The following KIF5C variants were observed in gnomAD, a reference collection of about 807,000 sequenced individuals.
KIF5C encodes the protein kinesin heavy chain isoform 5C.
A neutral mutation model predicts 125.2 loss-of-function variants in KIF5C; 18 were observed. The ratio of observed to expected loss-of-function variants is 0.14; its 90% CI spans 0.10 to 0.21. KIF5C has a LOEUF of 0.21. KIF5C is among the 10% of genes least tolerant of loss of function. The pLI, the probability that KIF5C is intolerant of heterozygous loss-of-function variation, is 1.00. For synonymous variants in KIF5C, 405 were observed against 434.0 expected (o/e 0.93, Z 0.83); for missense variants, 780 against 1,183.8 (o/e 0.66, Z 5.01).
intron 5 of KIF5C, 116 bp from the exon 6 acceptor site, chr2:148,941,819 C>G: frequency 6.8e-7 from 1 of 1,462,522 alleles, no homozygotes; most frequent in Admixed American, 2.4e-5. Context: ...CTTAAACTTG[C>G]ATATTGCAAA....
chr2:148,986,040 G>C (rs926066148), intron 15 of KIF5C, among the ~76,000 whole-genome samples: 1 of 152,100 alleles, frequency 6.6e-6, no homozygotes, highest in Non-Finnish European at 1.5e-5. Flanking sequence ...AATAAAATTC[G>C]ATGTGAGGTG....
intron 3 of KIF5C, among the ~76,000 whole-genome samples, chr2:148,933,789 C>A (rs1682227830): frequency 1.3e-5 from 2 of 150,940 alleles, no homozygotes; most frequent in Admixed American, 1.3e-4. Flanking sequence ...ATACCACATA[C>A]CCCCCATATA....
chr2:148,976,239 A>G (rs1046151512), intron 12 of KIF5C, among the ~76,000 whole-genome samples: 7 of 112,344 alleles, frequency 6.2e-5, no homozygotes, highest in Admixed American at 5.6e-4. Flanking sequence ...TGTGCATATT[A>G]TTTTGTTTTA....
rs1245723552 is a variant in KIF5C, at chr2:148,876,239, C to G, written c.126+496C>G. Among the ~76,000 whole-genome samples the G allele has an allele frequency of 6.6e-6, 1 of 152,074 alleles. No homozygotes were observed. Among genetic ancestry groups the G allele is most frequent in the Non-Finnish European group, 1.5e-5 (1 of 67,924 alleles). ...AAAGGGGTACAGGAAAATTTCTAGT[C>G]GCGTCTCGGAGCTCCCGCGGCAGTG... On this transcript the variant is annotated intron_variant, in intron 1 of 25. Coordinates refer to ENST00000435030, the MANE Select transcript of KIF5C (RefSeq NM_004522.3). This position sits in a 1 kb window ranked among gnomAD's most constrained non-coding sequence, Gnocchi z 4.7.
intron 10 of KIF5C, among the ~76,000 whole-genome samples, chr2:148,960,529 G>A (rs1233206963): frequency 6.6e-6 from 1 of 152,210 alleles, no homozygotes; most frequent in African/African-American, 2.4e-5. Context: ...TGAAAAATTA[G>A]ACTCAAAGCA....
At position 149,025,622 on chromosome 2, in the gene KIF5C, G is replaced by A. The variant is rs1187987926; in HGVS notation, c.*2552G>A. ...TGTATTGTGTCTTTTTCTCCTCTAT[G>A]AATAATTTTATATTTCATGCTACTT... On this transcript the variant is annotated 3_prime_UTR_variant, in exon 26 of 26. Transcript: ENST00000435030. 1 of 152,140 alleles carries A rather than the reference G, an allele frequency of 6.6e-6. No homozygotes were observed. The highest frequency in any genetic ancestry group is 1.5e-5 in the Non-Finnish European group (1 of 68,014). 9.4% of individuals were successfully genotyped at this position (152,140 alleles called of 1,614,324 possible).
chr2:148,881,324 CAT>C (rs1681343834), intron 1 of KIF5C, among the ~76,000 whole-genome samples: 1 of 152,132 alleles, frequency 6.6e-6, no homozygotes, highest in African/African-American at 2.4e-5. Flanking sequence ...AGGCAAAACT[CAT>C]ATTTCATTTA....
intron 4 of KIF5C, among the ~76,000 whole-genome samples, chr2:148,939,829 C>T (rs913764062): frequency 2.1e-4 from 32 of 152,300 alleles, no homozygotes; most frequent in Admixed American, 2.0e-4. Context: ...TATTTCTGAA[C>T]GTCCTATTTC....
At chr2:148,960,741 A>G (rs1682905907) in intron 10 of KIF5C, among the ~76,000 whole-genome samples, 1 of 152,254 alleles carries the variant, frequency 6.6e-6, no homozygotes, top group East Asian at 1.9e-4. Flanking sequence ...AGAAATCAGG[A>G]TGTCATTTGC....
chr2:148,985,057 C>T (rs1025424515), intron 15 of KIF5C, among the ~76,000 whole-genome samples: 1 of 152,112 alleles, frequency 6.6e-6, no homozygotes. Context: ...CCTGCCTCTG[C>T]CTCCCAAAGT....
chr2:148,980,175 C>T (rs1468307392), intron 13 of KIF5C, among the ~76,000 whole-genome samples: 1 of 151,992 alleles, frequency 6.6e-6, no homozygotes, highest in Non-Finnish European at 1.5e-5. Flanking sequence ...CCAAACACTT[C>T]CCTTGGTAGG....
chr2:148,977,077 A>C (rs898431316), intron 12 of KIF5C, among the ~76,000 whole-genome samples: 3 of 152,258 alleles, frequency 2.0e-5, no homozygotes, highest in Admixed American at 2.0e-4. Context: ...CTTTAAAAAA[A>C]ATCACAGTAG....
chr2:149,011,692 C>T lies in KIF5C; in HGVS notation c.*7+9C>T. ...CCAGAAATAAATACAAAGTGAGTCC[C>T]ATGTCAAGGGTGGTTTCTCTATCTG... On this transcript the variant is annotated intron_variant, in intron 25 of 25. Transcript: ENST00000435030. 6.2e-7 allele frequency: 1 copy of T among 1,613,956 alleles called. No homozygotes were observed. Among genetic ancestry groups the T allele is most frequent in the Non-Finnish European group, 8.5e-7 (1 of 1,179,878 alleles).
At chr2:148,972,233 T>TG (rs1680936754) in intron 11 of KIF5C, among the ~76,000 whole-genome samples, 1 of 152,212 alleles carries the variant, frequency 6.6e-6, no homozygotes, top group Non-Finnish European at 1.5e-5. Context: ...CTGCCTTCTA[T>TG]CATGTATTTT....
intron 2 of KIF5C, among the ~76,000 whole-genome samples, chr2:148,928,227 C>G (rs1334949170): frequency 1.3e-5 from 2 of 152,148 alleles, no homozygotes; most frequent in African/African-American, 4.8e-5. Context: ...AAGAAAAACT[C>G]TATTTAGAGC....
At chr2:149,008,947 T>G (rs1052519392) in intron 23 of KIF5C, among the ~76,000 whole-genome samples, 2 of 151,744 alleles carry the variant, frequency 1.3e-5, no homozygotes, top group Non-Finnish European at 2.9e-5. Context: ...GGCTCTGAGA[T>G]GCATTTTTAA....
chr2:148,891,262 A>G (rs192166389), intron 1 of KIF5C, among the ~76,000 whole-genome samples: 23 of 152,324 alleles, frequency 1.5e-4, no homozygotes, highest in African/African-American at 5.1e-4. Flanking sequence ...CTTCCAGAAG[A>G]TGTAATTTAT....
rs11898376 is a variant in KIF5C, at chr2:148,895,782, T to C, written c.126+20039T>C. ...AGGTTGGTTTCTGGTGAGGGCTATCTTCCTGGCATGTAGATAGCCACCTTC... is the reference window on the plus strand; with the variant it reads ...AGGTTGGTTTCTGGTGAGGGCTATCCTCCTGGCATGTAGATAGCCACCTTC... On this transcript the variant is annotated intron_variant, in intron 1 of 25. Transcript: ENST00000435030. 6.0e-3 allele frequency among the ~76,000 whole-genome samples: 920 copies of C among 152,134 alleles called. 4 individuals carry two copies. Among genetic ancestry groups the C allele is most frequent in the African/African-American group, 0.021 (874 of 41,502 alleles).
At chr2:148,954,641 G>A (rs193196411) in intron 10 of KIF5C, among the ~76,000 whole-genome samples, 70 of 152,300 alleles carry the variant, frequency 4.6e-4, no homozygotes, top group Non-Finnish European at 8.4e-4. Context: ...GGCTTTGTTT[G>A]TATGTTGAAT....
Sources: gnomAD v4.1 joint callset for allele counts (sites outside exome capture counted in the v4.1 genomes callset) on GRCh38, gnomAD v4.1.1 for gene constraint, Gnocchi (gnomAD v3.1) non-coding constraint, MANE v1.5 for transcripts, NCBI Gene and HGNC (gene_info 2026-07-23, HGNC 2026-07-21) for gene names.